The following RNF180 variants were observed in gnomAD, a reference collection of about 807,000 sequenced individuals.
RNF180 encodes the protein ring finger protein 180, also known as E3 ubiquitin-protein ligase RNF180.
In RNF180, 38 loss-of-function variants were observed where a neutral mutation model predicts 59.2. The ratio of observed to expected loss-of-function variants is 0.64; its 90% confidence interval spans 0.50 to 0.84. RNF180 has a LOEUF of 0.84. Among genes scored for constraint, RNF180 ranks in the 40% least tolerant of loss-of-function variants. The pLI is 0.00. For missense variants in RNF180, 705 were observed against 700.9 expected (o/e 1.01, Z -0.07); for synonymous variants, 262 against 240.3 (o/e 1.09, Z -0.84).
At chr5:64,181,302 A>T (rs966027570) in intron 1 of RNF180, among the ~76,000 whole-genome samples, 2 of 152,208 alleles carry the variant, frequency 1.3e-5, no homozygotes, top group African/African-American at 4.8e-5. Context: ...CCTACAATCC[A>T]ATCAAGTTGA....
At chr5:64,285,916 T>TCG (rs903814786) in intron 5 of RNF180, among the ~76,000 whole-genome samples, 1 of 152,098 alleles carries the variant, frequency 6.6e-6, no homozygotes, top group Non-Finnish European at 1.5e-5. Flanking sequence ...TAAGCAGCTC[T>TCG]CCCTGCCAGC....
chr5:64,190,764 T>A (rs1297091257), intron 1 of RNF180, among the ~76,000 whole-genome samples: 1 of 152,174 alleles, frequency 6.6e-6, no homozygotes, highest in Non-Finnish European at 1.5e-5. Flanking sequence ...GGAAAGGCCA[T>A]GTGAGGACAC....
At chr5:64,299,655 T>C (rs1475036880) in intron 5 of RNF180, among the ~76,000 whole-genome samples, 1 of 151,954 alleles carries the variant, frequency 6.6e-6, no homozygotes, top group African/African-American at 2.4e-5. Context: ...CTAGAAGATT[T>C]TGACTCAGTA....
At chr5:64,348,692 G>T (rs1745657610) in intron 7 of RNF180, among the ~76,000 whole-genome samples, 1 of 151,954 alleles carries the variant, frequency 6.6e-6, no homozygotes. Flanking sequence ...GGAGTCTGAT[G>T]TTTCTGAACA....
At chr5:64,217,340 C>A in intron 4 of RNF180, 21 bp from the exon 5 acceptor site, 1 of 1,389,240 alleles carries the variant, frequency 7.2e-7, no homozygotes, top group Non-Finnish European at 9.4e-7. Context: ...TTTGTGTGAA[C>A]CTAATTTTTT....
chr5:64,315,024 ACTTT>A (rs1240872214), intron 5 of RNF180, among the ~76,000 whole-genome samples: 21 of 152,190 alleles, frequency 1.4e-4, no homozygotes, highest in African/African-American at 5.1e-4. Context: ...CTGTCTTTGC[ACTTT>A]GAGTGGTTCA....
Position 64,325,273 on chromosome 5 carries a change from T to C in RNF180, c.1315T>C (p.Tyr439His), listed in dbSNP as rs1744577365. 2 of 1,551,478 alleles carry C rather than the reference T, an allele frequency of 1.3e-6. No homozygotes were observed. The change falls in exon 6 of 8, where the codon TAT becomes CAT. Residue 439 changes from tyrosine to histidine, a missense_variant. Coordinates refer to ENST00000389100, the MANE Select transcript of RNF180 (RefSeq NM_001113561.2). ...SYICAVCLDV[Y>H]FNPYMCYPCH... ...CATCTGTGCAGTGTGTCTGGACGTT[T>C]ATTTCAACCCTTATATGTGTTACCC...
chr5:64,345,227 C>A (rs1471628654), intron 7 of RNF180, among the ~76,000 whole-genome samples: 4 of 152,138 alleles, frequency 2.6e-5, no homozygotes, highest in Non-Finnish European at 5.9e-5. Context: ...CCATACTGCC[C>A]AACTCCAGGA....
chr5:64,287,744 T>A lies in RNF180; in HGVS notation c.1228-37442T>A, dbSNP rs78552572. ...TTCTTTTGAGAAGTGTCTGTTTATGTCCTTTGCCCACTTTTTGATGGTACT... is the reference window on the plus strand; with the variant it reads ...TTCTTTTGAGAAGTGTCTGTTTATGACCTTTGCCCACTTTTTGATGGTACT... On this transcript the variant is annotated intron_variant, in intron 5 of 7. Transcript: ENST00000389100. Among the ~76,000 whole-genome samples the A allele has an allele frequency of 1.1e-3, 165 of 152,340 alleles. 6 individuals are homozygous for A. In the East Asian group the frequency reaches 0.03, roughly 28 times the overall value.
chr5:64,292,819 G>C (rs577697307), intron 5 of RNF180, among the ~76,000 whole-genome samples: 1 of 152,130 alleles, frequency 6.6e-6, no homozygotes, highest in Admixed American at 6.5e-5. Flanking sequence ...ATATAATCCC[G>C]GCTGGAGTTG....
intron 5 of RNF180, among the ~76,000 whole-genome samples, chr5:64,297,425 T>C (rs1742941684): frequency 6.6e-6 from 1 of 152,034 alleles, no homozygotes. Context: ...CCTCAAAATT[T>C]GGCTCGAGTT....
chr5:64,312,492 G>T (rs1353743477), intron 5 of RNF180, among the ~76,000 whole-genome samples: 1 of 152,088 alleles, frequency 6.6e-6, no homozygotes, highest in Non-Finnish European at 1.5e-5. Flanking sequence ...GAAAATAAGA[G>T]AAAGCATCAA....
intron 1 of RNF180, among the ~76,000 whole-genome samples, chr5:64,181,109 G>A (rs1216887928): frequency 6.6e-6 from 1 of 152,194 alleles, no homozygotes; most frequent in Non-Finnish European, 1.5e-5. Context: ...AAGGCTGGAT[G>A]ACTCAGCAAG....
chr5:64,353,211 A>G (rs1021491385), intron 7 of RNF180, among the ~76,000 whole-genome samples: 5 of 151,870 alleles, frequency 3.3e-5, no homozygotes, highest in African/African-American at 9.7e-5. Context: ...CCATATTAAC[A>G]GAAGAAAAAA....
intron 7 of RNF180, among the ~76,000 whole-genome samples, chr5:64,359,401 T>C (rs1746156340): frequency 6.6e-6 from 1 of 152,028 alleles, no homozygotes; most frequent in Non-Finnish European, 1.5e-5. Flanking sequence ...ATGAGCATTT[T>C]TTCATGTGTT....
chr5:64,275,873 A>C (rs2112368968), intron 5 of RNF180, among the ~76,000 whole-genome samples: 1 of 152,212 alleles, frequency 6.6e-6, no homozygotes, highest in South Asian at 2.1e-4. Flanking sequence ...CTACCACCCT[A>C]AGCATGAGAA....
At chr5:64,360,947 C>T (rs1746232122) in intron 7 of RNF180, among the ~76,000 whole-genome samples, 1 of 151,598 alleles carries the variant, frequency 6.6e-6, no homozygotes, top group African/African-American at 2.4e-5. Flanking sequence ...ATTAAATATG[C>T]TATATTCTAA....
chr5:64,334,828 C>A (rs558741590), intron 7 of RNF180, among the ~76,000 whole-genome samples: 1 of 152,100 alleles, frequency 6.6e-6, no homozygotes. Flanking sequence ...ATTGAGTGGT[C>A]CAATTTTTAT....
intron 7 of RNF180, among the ~76,000 whole-genome samples, chr5:64,343,103 C>T (rs1214505652): frequency 6.6e-6 from 1 of 151,836 alleles, no homozygotes; most frequent in Non-Finnish European, 1.5e-5. Context: ...ATGATATATG[C>T]AAAAGGTTAG....
Sources: allele counts gnomAD v4.1 joint callset (sites outside exome capture counted in the v4.1 genomes callset), GRCh38; gene constraint gnomAD v4.1.1; transcripts MANE v1.5; gene names NCBI Gene and HGNC (gene_info 2026-07-23, HGNC 2026-07-21).